Variants in PRKN observed in about 807,000 individuals in gnomAD.
PRKN encodes E3 ubiquitin-protein ligase parkin.
A neutral mutation model predicts 59.5 loss-of-function variants in PRKN; 56 were observed. The ratio of observed to expected loss-of-function variants is 0.94; its 90% CI spans 0.76 to 1.18. The LOEUF is 1.18. Ranked by LOEUF, PRKN falls within the 50% of genes most tolerant of loss-of-function variation. The pLI is 0.00. For missense variants in PRKN, 657 were observed against 596.4 expected (o/e 1.10, Z -1.06); for synonymous variants, 250 against 222.1 (o/e 1.13, Z -1.12).
intron 1 of PRKN, among the ~76,000 whole-genome samples, chr6:162,451,942 T>C (rs9346914): frequency 0.17 from 25,545 of 152,066 alleles, 2,303 homozygotes; most frequent in South Asian, 0.23. Flanking sequence ...AATCATAGCA[T>C]AGTCAAACTA....
intron 1 of PRKN, among the ~76,000 whole-genome samples, chr6:162,478,160 T>A (rs1792118940): frequency 1.3e-5 from 2 of 152,190 alleles, no homozygotes; most frequent in Admixed American, 6.5e-5. Context: ...CTGTAGAGCT[T>A]ACTCTGAGAA....
intron 9 of PRKN, among the ~76,000 whole-genome samples, chr6:161,540,975 G>C (rs1779596099): frequency 6.6e-6 from 1 of 152,186 alleles, no homozygotes; most frequent in Non-Finnish European, 1.5e-5. Context: ...TATTTTTGTA[G>C]TCAAGAAATT....
rs111972413 is a variant in PRKN, at chr6:161,597,572, C to T, written c.872-28156G>A. On this transcript the variant is annotated intron_variant, in intron 7 of 11. Coordinates refer to ENST00000366898, the MANE Select transcript of PRKN (RefSeq NM_004562.3). ...TTCAGAGAAGATTCTTCCACATTCC[C>T]GGACAAAACTTCCTGCCTTGCTGCC... Among the ~76,000 whole-genome samples the T allele has an allele frequency of 1.8e-3, 280 of 152,276 alleles. 1 individual carries two copies. The highest frequency in any genetic ancestry group is 2.4e-3 in the Non-Finnish European group (165 of 68,016).
At position 161,739,369 on chromosome 6, in the gene PRKN, C is replaced by G. The variant is rs144055813; in HGVS notation, c.871+46403G>C. On this transcript the variant is annotated intron_variant, in intron 7 of 11. Transcript: ENST00000366898. ...GTTGCGGTGAGCTGAAATTGCACCA[C>G]TGCACTCCAGCCTGGGCGACAGCGA... 2.2e-3 allele frequency among the ~76,000 whole-genome samples: 341 copies of G among 152,242 alleles called. 1 individual carries two copies. Among genetic ancestry groups the G allele is most frequent in the African/African-American group, 7.5e-3 (312 of 41,542 alleles).
In PRKN at chr6:162,443,493, G is replaced by A; in HGVS notation, c.8-20C>T. ...CAAACACTGACCAAGGAAATTGGAA[G>A]GGAGAAGAGAAAGTGAGCATCACTC... is the stretch of plus-strand genomic sequence containing the variant. On this transcript the variant is annotated intron_variant, in intron 1 of 11. Coordinates refer to ENST00000366898, the MANE Select transcript of PRKN (RefSeq NM_004562.3). The A allele has an allele frequency of 4.3e-6, 7 of 1,613,186 alleles. No individual in the cohort carries two copies. Among genetic ancestry groups the A allele is most frequent in the Non-Finnish European group, 5.9e-6 (7 of 1,179,148 alleles).
Position 161,442,150 on chromosome 6 carries a change from C to A in PRKN, c.1084-55273G>T, listed in dbSNP as rs1789266201. ...GCTGGCTCTGAATTATTTAAAATTACAGCAGTCAGAAGAGAGACCTTCTCA... is the reference window on the plus strand; with the variant it reads ...GCTGGCTCTGAATTATTTAAAATTAAAGCAGTCAGAAGAGAGACCTTCTCA... On this transcript the variant is annotated intron_variant, in intron 9 of 11. Coordinates refer to ENST00000366898, the MANE Select transcript of PRKN (RefSeq NM_004562.3). This position sits in a 1 kb window ranked among gnomAD's most constrained non-coding sequence, Gnocchi z 4.6. Among the ~76,000 whole-genome samples the A allele has an allele frequency of 6.6e-6, 1 of 152,164 alleles. No individual in the cohort carries two copies. The highest frequency in any genetic ancestry group is 2.4e-5 in the African/African-American group (1 of 41,436).
intron 1 of PRKN, among the ~76,000 whole-genome samples, chr6:162,723,218 C>G (rs945099794): frequency 7.2e-5 from 11 of 152,196 alleles, no homozygotes; most frequent in Admixed American, 2.0e-4. Flanking sequence ...GGGTACATAG[C>G]AGGTGCTGGA....
chr6:162,294,358 C>CAG (rs141432501), intron 2 of PRKN, among the ~76,000 whole-genome samples: 11,226 of 150,924 alleles, frequency 0.074, 583 homozygotes, highest in Middle Eastern at 0.17. Flanking sequence ...AGGAGAGAGA[C>CAG]AGAGAGAGAG....
chr6:162,564,127 A>G (rs1348970000), intron 1 of PRKN, among the ~76,000 whole-genome samples: 4 of 152,054 alleles, frequency 2.6e-5, no homozygotes, highest in Admixed American at 2.6e-4. Flanking sequence ...TGGGTGGATC[A>G]CAGAGTCAGG....
At chr6:161,854,477 C>A (rs968908769) in intron 6 of PRKN, among the ~76,000 whole-genome samples, 11 of 152,092 alleles carry the variant, frequency 7.2e-5, no homozygotes, top group South Asian at 2.1e-4. Flanking sequence ...ACAATCATCA[C>A]AGGCTATATT....
chr6:161,388,430 A>G lies in PRKN; in HGVS notation c.1084-1553T>C, dbSNP rs943969300. ...GTTTCTTTCAATGGAACTTTCTTTA[A>G]TAAGTTGTAGGCAACATCTCCCACA... On this transcript the variant is annotated intron_variant, in intron 9 of 11. Transcript: ENST00000366898. The surrounding 1 kb of genome is among the most constrained non-coding windows in gnomAD (Gnocchi z 4.3). Among the ~76,000 whole-genome samples the G allele has an allele frequency of 3.3e-5, 5 of 152,210 alleles. No individual in the cohort carries two copies. Among genetic ancestry groups the G allele is most frequent in the Non-Finnish European group, 4.4e-5 (3 of 68,040 alleles).
chr6:161,820,568 A>C (rs1184736579), intron 6 of PRKN, among the ~76,000 whole-genome samples: 1 of 147,796 alleles, frequency 6.8e-6, no homozygotes, highest in Non-Finnish European at 1.5e-5. Context: ...ATTACAAATA[A>C]ATATAAAATA....
At chr6:162,549,766 G>C (rs1779260817) in intron 1 of PRKN, among the ~76,000 whole-genome samples, 1 of 151,372 alleles carries the variant, frequency 6.6e-6, no homozygotes, top group South Asian at 2.1e-4. Flanking sequence ...AGCCTCCCAA[G>C]TAGCTGGGAC....
rs1662027856 is a variant in PRKN, at chr6:161,533,733, G to C, written c.1083+15121C>G. 6.6e-6 allele frequency among the ~76,000 whole-genome samples: 1 copy of C among 151,706 alleles called. No individual in the cohort carries two copies. Among genetic ancestry groups the C allele is most frequent in the Non-Finnish European group, 1.5e-5 (1 of 67,942 alleles). The stretch of plus-strand genomic sequence containing the variant: ...TTTTTTTCAGACATCTCTCTCTCTT[G>C]CAAGGAGCTGCCCTCCTCTCTCCTT... On this transcript the variant is annotated intron_variant, in intron 9 of 11. Transcript: ENST00000366898. This position sits in a 1 kb window ranked among gnomAD's most constrained non-coding sequence, Gnocchi z 4.1.
intron 1 of PRKN, among the ~76,000 whole-genome samples, chr6:162,708,542 A>G (rs1301318718): frequency 6.6e-6 from 1 of 152,252 alleles, no homozygotes; most frequent in Non-Finnish European, 1.5e-5. Context: ...CTGATTCTTA[A>G]CAGTGATGAA....
chr6:162,718,735 G>A (rs1778820905), intron 1 of PRKN, among the ~76,000 whole-genome samples: 1 of 151,734 alleles, frequency 6.6e-6, no homozygotes, highest in South Asian at 2.1e-4. Flanking sequence ...ATTTATTCCA[G>A]AACTGTCCCC....
At chr6:162,042,454 T>C (rs1784102722) in intron 5 of PRKN, among the ~76,000 whole-genome samples, 1 of 151,370 alleles carries the variant, frequency 6.6e-6, no homozygotes, top group Non-Finnish European at 1.5e-5. Flanking sequence ...CAGCTAATTT[T>C]TTTTTTTTAT....
At chr6:162,377,272 G>A (rs1583464278) in intron 2 of PRKN, among the ~76,000 whole-genome samples, 1 of 152,148 alleles carries the variant, frequency 6.6e-6, no homozygotes, top group East Asian at 1.9e-4. Context: ...AATGTGTAAG[G>A]AACACAGAAT....
At chr6:161,524,169 T>C (rs944105612) in intron 9 of PRKN, among the ~76,000 whole-genome samples, 2 of 152,170 alleles carry the variant, frequency 1.3e-5, no homozygotes, top group Non-Finnish European at 2.9e-5. Flanking sequence ...AAAAGGATGT[T>C]GGAATTATTT....
Sources: gnomAD v4.1 joint callset for allele counts (sites outside exome capture counted in the v4.1 genomes callset) on GRCh38, gnomAD v4.1.1 for gene constraint, Gnocchi (gnomAD v3.1) non-coding constraint, MANE v1.5 for transcripts, NCBI Gene and HGNC (gene_info 2026-07-23, HGNC 2026-07-21) for gene names.